MDN1: variants seen among roughly 807,000 people sequenced by gnomAD.
MDN1 encodes midasin.
Under a neutral mutation model 669.2 loss-of-function variants are expected in MDN1, and 266 were observed. The ratio of observed to expected loss-of-function variants is 0.40; its 90% CI spans 0.36 to 0.44. The LOEUF (loss-of-function observed/expected upper bound fraction) is 0.44, where lower values mean the gene tolerates loss of function less well. Among genes scored for constraint, MDN1 ranks in the 20% least tolerant of loss-of-function variants. MDN1 has a pLI of 1.00. For synonymous variants in MDN1, 2,385 were observed against 2,457.1 expected (o/e 0.97, Z 0.87); for missense variants, 5,940 against 6,754.0 (o/e 0.88, Z 4.22).
intron 1 of MDN1, among the ~76,000 whole-genome samples, chr6:89,817,243 T>C (rs1768902060): frequency 6.6e-6 from 1 of 152,216 alleles, no homozygotes; most frequent in Non-Finnish European, 1.5e-5. Flanking sequence ...CCTGGGGCTG[T>C]GTCATGAGCC....
chr6:89,765,825 G>T (rs1437617508), intron 15 of MDN1, among the ~76,000 whole-genome samples: 1 of 152,156 alleles, frequency 6.6e-6, no homozygotes, highest in Non-Finnish European at 1.5e-5. Flanking sequence ...ATGGTTTTAA[G>T]AAGACCAGCT....
At chr6:89,794,252 T>C (rs763520071) in intron 3 of MDN1, 45 bp from the exon 4 acceptor site, 2 of 1,084,838 alleles carry the variant, frequency 1.8e-6, no homozygotes, top group South Asian at 1.5e-5. Flanking sequence ...CTGCAGTTGA[T>C]AATAAAGAAT....
At chr6:89,706,798 T>C (rs1238852235) in intron 52 of MDN1, among the ~76,000 whole-genome samples, 1 of 152,188 alleles carries the variant, frequency 6.6e-6, no homozygotes, top group African/African-American at 2.4e-5. Flanking sequence ...TAAGTACATA[T>C]GTTTAGATAG....
chr6:89,677,413 T>C (rs961929457), intron 76 of MDN1, among the ~76,000 whole-genome samples, 157 bp downstream of exon 76: 22 of 152,172 alleles, frequency 1.4e-4, no homozygotes, highest in African/African-American at 5.3e-4. Context: ...CATTTGAATG[T>C]CCATCAGGAG....
intron 88 of MDN1, 51 bp downstream of exon 88, chr6:89,661,380 C>T: frequency 3.2e-6 from 5 of 1,567,948 alleles, no homozygotes; most frequent in South Asian, 1.2e-5. Context: ...AAATCAATTA[C>T]TGTTCACTAA....
chr6:89,723,627 T>C lies in MDN1; in HGVS notation c.5671-8A>G, dbSNP rs779690969. ...AAGGGGATCAACGAAGACCTAGAAA[T>C]CCAAAAATAATATGAAGAAATGCCT... On this transcript the variant is annotated splice_region_variant and splice_polypyrimidine_tract_variant and intron_variant, in intron 38 of 101. Transcript: ENST00000369393. The C allele has an allele frequency of 8.8e-6, 13 of 1,480,654 alleles. 1 individual carries two copies. Among genetic ancestry groups the C allele is most frequent in the Middle Eastern group, 1.8e-4 (1 of 5,686 alleles). The allele number at this position is 1,480,654 out of a possible 1,614,324, so 91.7% of individuals were successfully genotyped here. A position where few individuals can be genotyped will look rare whatever the true frequency, so the allele number is the denominator to read the frequency against.
chr6:89,785,181 A>T, intron 8 of MDN1, 55 bp from the exon 9 acceptor site: 1 of 1,191,354 alleles, frequency 8.4e-7, no homozygotes, highest in South Asian at 1.2e-5. Flanking sequence ...TTAATCCTGA[A>T]TTGTGCCTCT....
chr6:89,749,144 G>A (rs1030767677), intron 26 of MDN1, 79 bp downstream of exon 26: 14 of 1,340,376 alleles, frequency 1.0e-5, no homozygotes, highest in Non-Finnish European at 1.3e-5. Flanking sequence ...TCAACAGACA[G>A]ATTCTTTTTT....
Position 89,809,993 on chromosome 6 carries a change from TAAAAAAAAAAA to T in MDN1, c.103-6450_103-6440del, listed in dbSNP as rs61558155. Among the ~76,000 whole-genome samples, 414 of 52,858 alleles carry T rather than the reference TAAAAAAAAAAA, an allele frequency of 7.8e-3. 3 individuals carry two copies. The highest frequency in any genetic ancestry group is 0.031 in the African/African-American group (392 of 12,778). 34.7% of individuals were successfully genotyped at this position (52,858 alleles called of 152,430 possible). ...GCAACAGAGTGAGACTCCGTTTCAC[TAAAAAAAAAAA>T]AAAAAAAAAAAAAAAAAAAAAATTA... On this transcript the variant is annotated intron_variant, in intron 1 of 101. Transcript: ENST00000369393.
At chr6:89,724,797 T>C (rs530730453) in intron 38 of MDN1, among the ~76,000 whole-genome samples, 6 of 152,320 alleles carry the variant, frequency 3.9e-5, no homozygotes, top group Middle Eastern at 3.4e-3. Context: ...TGGGGAATAG[T>C]GGATTTTTAT....
chr6:89,715,505 G>C, intron 45 of MDN1, 148 bp downstream of exon 45: 1 of 623,334 alleles, frequency 1.6e-6, no homozygotes, highest in Non-Finnish European at 2.9e-6. Flanking sequence ...TAAAGCCTCA[G>C]TAAGTATTTG....
chr6:89,644,559 C>G (rs1008691256), intron 101 of MDN1, among the ~76,000 whole-genome samples: 2 of 152,192 alleles, frequency 1.3e-5, no homozygotes, highest in African/African-American at 4.8e-5. Context: ...TGGAACAGAA[C>G]TGCCCTATAG....
intron 9 of MDN1, among the ~76,000 whole-genome samples, chr6:89,783,389 GA>G (rs1163822526): frequency 2.0e-5 from 3 of 152,056 alleles, no homozygotes; most frequent in East Asian, 3.9e-4. Context: ...CTAGGGTGGG[GA>G]AAAAACTCCG....
intron 1 of MDN1, among the ~76,000 whole-genome samples, chr6:89,818,909 T>C (rs904668733): frequency 6.6e-6 from 1 of 152,172 alleles, no homozygotes; most frequent in Non-Finnish European, 1.5e-5. Context: ...ATTAACCTTA[T>C]AATTTGTATA....
chr6:89,779,131 G>C (rs1818512971), intron 11 of MDN1, among the ~76,000 whole-genome samples: 1 of 151,958 alleles, frequency 6.6e-6, no homozygotes, highest in African/African-American at 2.4e-5. Context: ...TGGAATAAGG[G>C]GGGAAAAGAG....
rs1816954447 is a variant in MDN1, at chr6:89,751,550, G to T, written c.3108C>A (p.Ile1036=). Residue 1036 remains isoleucine, a synonymous_variant, in exon 23 of 102, where the codon ATC becomes ATA. Transcript: ENST00000369393. ...CCGCAATCCAGTAGCCTTCAACCTG[G>T]ATAAGCCGACCTCCTTTTGGCTCTG... ...PIPEPKGGRL[I]QVEGYWIAVG... is the part of the protein sequence containing the mutation. The T allele has an allele frequency of 6.2e-7, 1 of 1,613,962 alleles. No homozygotes were observed. The highest frequency in any genetic ancestry group is 1.3e-5 in the African/African-American group (1 of 74,890).
In MDN1 at chr6:89,658,831, C is replaced by T; in HGVS notation, c.14800G>A (p.Glu4934Lys). The change falls in exon 89 of 102, where the codon GAA becomes AAA. Residue 4934 changes from glutamate (E) to lysine (K), a missense_variant. Physicochemically the swap from Glu to Lys is moderately conservative, Grantham distance 56. Transcript: ENST00000369393. ...TCAGGCTCCTGTGGACTCTGACTTT[C>T]GTTCTGGTCGGTCTCGGTCTCTCCT... is the stretch of plus-strand genomic sequence containing the variant. ...ERGETETDQN[E>K]SQSPQEPEEG... is the part of the protein sequence containing the mutation. 15 of 1,614,184 alleles carry T rather than the reference C, an allele frequency of 9.3e-6. No homozygotes were observed. Among genetic ancestry groups the T allele is most frequent in the Non-Finnish European group, 1.2e-5 (14 of 1,180,040 alleles).
chr6:89,685,328 A>T (rs1422389122), intron 70 of MDN1, among the ~76,000 whole-genome samples: 1 of 152,138 alleles, frequency 6.6e-6, no homozygotes, highest in Non-Finnish European at 1.5e-5. Context: ...AGCTTTTTTT[A>T]AAAGATGGCA....
chr6:89,796,324 C>CA (rs35169575), intron 2 of MDN1, among the ~76,000 whole-genome samples: 2,887 of 45,052 alleles, frequency 0.064, 367 homozygotes, highest in East Asian at 0.11. Context: ...AACTCTGTCT[C>CA]AAAAAAAAAA....
Sources: gnomAD v4.1 joint callset for allele counts (sites outside exome capture counted in the v4.1 genomes callset) on GRCh38, gnomAD v4.1.1 for gene constraint, MANE v1.5 for transcripts, NCBI Gene and HGNC (gene_info 2026-07-23, HGNC 2026-07-21) for gene names.